GIPC2: variants seen among roughly 807,000 people sequenced by gnomAD.
GIPC2 encodes PDZ domain-containing protein GIPC2.
In GIPC2, 30 loss-of-function variants were observed where a neutral mutation model predicts 30.6. The ratio of observed to expected loss-of-function variants is 0.98; its 90% confidence interval spans 0.73 to 1.33. GIPC2 has a LOEUF of 1.33. GIPC2 is among the 40% of genes most tolerant of loss of function. The probability of loss-of-function intolerance (pLI) is 0.00; values close to 1 mark genes in which losing one functional copy is unlikely to be tolerated. For synonymous variants in GIPC2, 167 were observed against 150.0 expected, an observed-to-expected ratio of 1.11 and a Z score of -0.83; for missense variants, 414 against 390.3, an observed-to-expected ratio of 1.06 and a Z score of -0.51.
chr1:78,073,102 C>T (rs1661654091), intron 1 of GIPC2, among the ~76,000 whole-genome samples: 1 of 151,024 alleles, frequency 6.6e-6, no homozygotes, highest in African/African-American at 2.4e-5. Context: ...AGCCACCATG[C>T]CCGGCCTTTT....
intron 3 of GIPC2, among the ~76,000 whole-genome samples, chr1:78,115,588 T>G (rs1662553644): frequency 6.6e-6 from 1 of 152,206 alleles, no homozygotes; most frequent in East Asian, 1.9e-4. Flanking sequence ...TTGGATACTC[T>G]TTTTGAAACT....
chr1:78,045,147 G>A (rs1181491440), upstream of GIPC2: 1 of 810,430 alleles, frequency 1.2e-6, no homozygotes, highest in Admixed American at 6.2e-5. Flanking sequence ...AGATATGATA[G>A]TGATTTCACT....
rs1439760948 is a variant in GIPC2 at position 78,046,278 on chromosome 1, A to G, written c.184A>G (p.Ser62Gly). The part of the protein sequence containing the change: ...SATGRVEGFS[S>G]IQELYAQIAG... ...CACGGGCCGAGTGGAGGGCTTCTCC[A>G]GCATCCAGGAGCTCTACGCCCAGAT... The change falls in exon 1 of 6, where the codon AGC becomes GGC. Residue 62 changes from serine (S) to glycine (G), a missense_variant. By Grantham distance (56) the Ser-to-Gly change is moderately conservative. Coordinates refer to ENST00000370759, the MANE Select transcript of GIPC2 (RefSeq NM_017655.6). The G allele has an allele frequency of 6.2e-7, 1 of 1,611,860 alleles. No individual in the cohort carries two copies. The highest frequency in any genetic ancestry group is 2.2e-5 in the East Asian group (1 of 44,746).
rs187493094 is a variant in GIPC2, at chr1:78,136,849, A to G, written c.*1106A>G. ...TTTCGTAGGTGTAAGAGAAATGGAA[A>G]TGAATGGTTTCAACAAAGATCATTT... On this transcript the variant is annotated 3_prime_UTR_variant, in exon 6 of 6. Transcript: ENST00000370759. 11 of 152,266 alleles carry G rather than the reference A, an allele frequency of 7.2e-5. 1 individual carries two copies. The East Asian group carries it at 2.1e-3, about 29-fold the overall frequency. 9.4% of individuals were successfully genotyped at this position (152,266 alleles called of 1,614,324 possible). A position where few individuals can be genotyped will look rare whatever the true frequency, so the allele number is the denominator to read the frequency against.
At chr1:78,064,481 C>T (rs1447370613) in intron 1 of GIPC2, among the ~76,000 whole-genome samples, 1 of 152,148 alleles carries the variant, frequency 6.6e-6, no homozygotes, top group Non-Finnish European at 1.5e-5. Context: ...TATTGGCTGT[C>T]ACCTCCAGCA....
At chr1:78,079,982 C>T (rs1661793799) in intron 1 of GIPC2, among the ~76,000 whole-genome samples, 1 of 152,042 alleles carries the variant, frequency 6.6e-6, no homozygotes, top group South Asian at 2.1e-4. Flanking sequence ...TCTCCAGACC[C>T]CAATTCCATG....
intron 1 of GIPC2, chr1:78,069,216 TC>T: frequency 4.9e-6 from 2 of 407,592 alleles, no homozygotes; most frequent in Non-Finnish European, 6.6e-6. Flanking sequence ...ATTCTCAGTT[TC>T]CTGGGCTTAT....
chr1:78,102,762 C>T (rs1158096303), intron 3 of GIPC2, among the ~76,000 whole-genome samples: 1 of 152,160 alleles, frequency 6.6e-6, no homozygotes, highest in African/African-American at 2.4e-5. Context: ...AGTAAGTCTT[C>T]AATAAGTTAT....
At chr1:78,117,070 T>C (rs947203063) in intron 3 of GIPC2, among the ~76,000 whole-genome samples, 3 of 152,214 alleles carry the variant, frequency 2.0e-5, no homozygotes, top group African/African-American at 7.2e-5. Context: ...TGGTATCTCA[T>C]GGTGAGAAAG....
intron 2 of GIPC2, chr1:78,092,077 C>G (rs532932276): frequency 4.1e-6 from 6 of 1,463,088 alleles, no homozygotes; most frequent in Non-Finnish European, 5.7e-6. Context: ...CTTCACCCCC[C>G]GGCTTTGTGT....
chr1:78,060,571 C>T (rs183838654), intron 1 of GIPC2, among the ~76,000 whole-genome samples: 46 of 152,202 alleles, frequency 3.0e-4, no homozygotes, highest in Non-Finnish European at 4.3e-4. Flanking sequence ...CAGAGGCTGC[C>T]AAAGGAAAGT....
chr1:78,100,322 A>G (rs967347632), intron 3 of GIPC2, among the ~76,000 whole-genome samples: 16 of 152,166 alleles, frequency 1.1e-4, no homozygotes, highest in African/African-American at 3.9e-4. Flanking sequence ...TATAAAAGAG[A>G]AATAGGTAAG....
intron 1 of GIPC2, among the ~76,000 whole-genome samples, chr1:78,051,450 A>G (rs1661196352): frequency 6.6e-6 from 1 of 152,218 alleles, no homozygotes. Flanking sequence ...CTCCCCATAC[A>G]TAAAGCAGTC....
chr1:78,086,558 G>C (rs891279308), intron 2 of GIPC2, among the ~76,000 whole-genome samples: 3 of 152,116 alleles, frequency 2.0e-5, no homozygotes, highest in Non-Finnish European at 4.4e-5. Context: ...GTGGGAGTCT[G>C]TGTCTCTTTG....
chr1:78,118,701 A>T (rs1309218322), intron 3 of GIPC2, among the ~76,000 whole-genome samples: 1 of 152,022 alleles, frequency 6.6e-6, no homozygotes, highest in Non-Finnish European at 1.5e-5. Context: ...GTCAACTCTG[A>T]TTTTATCCCT....
intron 1 of GIPC2, among the ~76,000 whole-genome samples, chr1:78,076,101 A>G (rs1661712051): frequency 2.0e-5 from 3 of 152,206 alleles, no homozygotes; most frequent in South Asian, 4.1e-4. Context: ...CAAACCCCCA[A>G]TAAGTTCATT....
chr1:78,096,525 T>G (rs1275148571), intron 3 of GIPC2, among the ~76,000 whole-genome samples: 2 of 151,778 alleles, frequency 1.3e-5, no homozygotes, highest in Non-Finnish European at 2.9e-5. Context: ...TGCATCTAGA[T>G]CTTTTGGTCC....
chr1:78,114,053 G>A (rs760895317), intron 3 of GIPC2, among the ~76,000 whole-genome samples: 4 of 152,174 alleles, frequency 2.6e-5, no homozygotes, highest in Non-Finnish European at 2.9e-5. Context: ...AAACCTGATT[G>A]CTTCTAGGCT....
chr1:78,086,801 C>G (rs1038301171), intron 2 of GIPC2, among the ~76,000 whole-genome samples: 6 of 151,914 alleles, frequency 3.9e-5, no homozygotes, highest in African/African-American at 1.5e-4. Context: ...ATTTTTTTCT[C>G]CATCCCTTTA....
Sources: gnomAD v4.1 joint callset for allele counts (sites outside exome capture counted in the v4.1 genomes callset) on GRCh38, gnomAD v4.1.1 for gene constraint, MANE v1.5 for transcripts, NCBI Gene and HGNC (gene_info 2026-07-23, HGNC 2026-07-21) for gene names.